Variants in SLC2A12 observed in about 807,000 individuals in gnomAD.
SLC2A12 encodes the protein solute carrier family 2, facilitated glucose transporter member 12.
In SLC2A12, 23 loss-of-function variants were observed where a neutral mutation model predicts 41.8. The ratio of observed to expected loss-of-function variants is 0.55; its 90% CI spans 0.40 to 0.78. SLC2A12 has a LOEUF of 0.78. SLC2A12 is among the 30% of genes least tolerant of loss of function. The probability of loss-of-function intolerance (pLI) is 0.00; values close to 1 mark genes in which losing one functional copy is unlikely to be tolerated. For synonymous variants in SLC2A12, 295 were observed against 285.9 expected, an observed-to-expected ratio of 1.03 and a Z score of -0.32; for missense variants, 654 against 745.6, an observed-to-expected ratio of 0.88 and a Z score of 1.43.
At chr6:134,011,791 C>T (rs1156380339) in intron 2 of SLC2A12, among the ~76,000 whole-genome samples, 1 of 151,362 alleles carries the variant, frequency 6.6e-6, no homozygotes, top group African/African-American at 2.4e-5. Context: ...CCTGTAATTC[C>T]AGCACTTTGG....
At position 133,990,539 on chromosome 6, in the gene SLC2A12, G is replaced by A. The variant is rs1486435539; in HGVS notation, c.*616C>T. ...AATATTAACATGAAATTCATAAAAGGATATTTTGCATTAAATTATAGTTTA... is the reference window on the plus strand; with the variant it reads ...AATATTAACATGAAATTCATAAAAGAATATTTTGCATTAAATTATAGTTTA... On this transcript the variant is annotated 3_prime_UTR_variant, in exon 5 of 5. Transcript: ENST00000275230. 1 of 152,294 alleles carries A rather than the reference G, an allele frequency of 6.6e-6. No individual in the cohort carries two copies. The highest frequency in any genetic ancestry group is 1.5e-5 in the Non-Finnish European group (1 of 68,004). The allele number at this position is 152,294 out of a possible 1,614,324, so 9.4% of individuals were successfully genotyped here.
chr6:134,045,366 A>G (rs1777443506), intron 1 of SLC2A12, among the ~76,000 whole-genome samples: 1 of 152,222 alleles, frequency 6.6e-6, no homozygotes, highest in Admixed American at 6.5e-5. Flanking sequence ...AGTAAGGTTC[A>G]GATCACTGTG....
At chr6:134,047,409 T>C (rs570012086) in intron 1 of SLC2A12, among the ~76,000 whole-genome samples, 2 of 152,258 alleles carry the variant, frequency 1.3e-5, no homozygotes, top group South Asian at 4.2e-4. Flanking sequence ...GAAACCGTGA[T>C]TCTAAAATGA....
intron 2 of SLC2A12, among the ~76,000 whole-genome samples, chr6:134,024,048 C>T (rs1341984598): frequency 2.0e-5 from 3 of 152,228 alleles, no homozygotes; most frequent in African/African-American, 7.2e-5. Flanking sequence ...TAGCCACCAC[C>T]GCAGCTCGTG....
chr6:134,038,777 C>A (rs959609780), intron 1 of SLC2A12, among the ~76,000 whole-genome samples: 2 of 142,916 alleles, frequency 1.4e-5, no homozygotes, highest in African/African-American at 5.4e-5. Flanking sequence ...ACAATCTCAG[C>A]TCACTGCAAC....
At chr6:134,048,449 T>C (rs1286433206) in intron 1 of SLC2A12, among the ~76,000 whole-genome samples, 1 of 151,866 alleles carries the variant, frequency 6.6e-6, no homozygotes, top group African/African-American at 2.4e-5. Context: ...ATACAAAAAT[T>C]AGCCAGCTGC....
chr6:134,040,141 A>G (rs1777363667), intron 1 of SLC2A12, among the ~76,000 whole-genome samples: 1 of 148,826 alleles, frequency 6.7e-6, no homozygotes, highest in African/African-American at 2.5e-5. Flanking sequence ...CAGTGGTGCG[A>G]TCTCAGCTCA....
chr6:134,008,790 C>A (rs768241830), intron 2 of SLC2A12, among the ~76,000 whole-genome samples: 17 of 152,176 alleles, frequency 1.1e-4, no homozygotes, highest in Non-Finnish European at 2.2e-4. Flanking sequence ...CCTCCCTATA[C>A]CCTTTCCTGG....
In SLC2A12 at chr6:134,029,081, C is replaced by G; in HGVS notation, c.744G>C (p.Glu248Asp). ...GGGAGGATTTGATCACAGTGAGTTC[C>G]TCAGTTGTATCTGAGAGTGCTCTTA... The part of the protein sequence containing the change: ...GRLRALSDTT[E>D]ELTVIKSSLK... The change falls in exon 2 of 5, where the codon GAG (glutamate) becomes GAC (aspartate). Residue 248 changes from glutamate (E) to aspartate (D), a missense_variant. Glu to Asp is a conservative substitution (Grantham distance 45). Around this residue, in one of 3 missense-constraint regions of SLC2A12, gnomAD observed 411 missense variants for 412.1 expected, o/e 1.00. Coordinates refer to ENST00000275230, the MANE Select transcript of SLC2A12 (RefSeq NM_145176.3). The G allele has an allele frequency of 6.2e-7, 1 of 1,614,218 alleles. No individual in the cohort carries two copies. The highest frequency in any genetic ancestry group is 8.5e-7 in the Non-Finnish European group (1 of 1,180,036).
At chr6:134,007,083 G>T in intron 2 of SLC2A12, 149 bp from the exon 3 acceptor site, 2 of 1,071,780 alleles carry the variant, frequency 1.9e-6, no homozygotes, top group Non-Finnish European at 1.3e-6. Flanking sequence ...GAACAGGACA[G>T]TAAAGGGACG....
intron 2 of SLC2A12, among the ~76,000 whole-genome samples, chr6:134,019,263 C>T (rs1233262360): frequency 6.6e-6 from 1 of 152,134 alleles, no homozygotes; most frequent in East Asian, 1.9e-4. Flanking sequence ...TTAAGGAGGG[C>T]TGGGTTTCTA....
chr6:133,993,941 A>T (rs1380036404), intron 4 of SLC2A12, among the ~76,000 whole-genome samples: 1 of 152,184 alleles, frequency 6.6e-6, no homozygotes, highest in Non-Finnish European at 1.5e-5. Flanking sequence ...CTGGAGAGCC[A>T]CTGGAGGATT....
intron 2 of SLC2A12, among the ~76,000 whole-genome samples, chr6:134,026,292 G>A (rs1777111428): frequency 6.6e-6 from 1 of 152,106 alleles, no homozygotes; most frequent in Non-Finnish European, 1.5e-5. Flanking sequence ...AGAAACCAAT[G>A]GAACAGTAAC....
intron 1 of SLC2A12, among the ~76,000 whole-genome samples, chr6:134,045,077 G>GCATGA (rs1476135656): frequency 6.6e-6 from 1 of 152,184 alleles, no homozygotes; most frequent in Admixed American, 6.5e-5. Flanking sequence ...AGAGAAAAAG[G>GCATGA]CATGATTCCT....
rs548925352 is a variant in SLC2A12, at chr6:134,024,592, T to C, written c.1444+3789A>G. On this transcript the variant is annotated intron_variant, in intron 2 of 4. Transcript: ENST00000275230. ...TGTCTACAGATTACCCAGGCCCTAC[T>C]ATACCCAATCTCCCTTTAGTTGACT... Among the ~76,000 whole-genome samples the C allele has an allele frequency of 4.6e-5, 7 of 152,358 alleles. No individual in the cohort carries two copies. The East Asian group carries it at 7.7e-4, about 17-fold the overall frequency.
chr6:134,028,537 C>A lies in SLC2A12; in HGVS notation c.1288G>T (p.Gly430Trp). ...AGCAAGGATGCTGAGGTCGTCTCCC[C>A]TCTCTTATCCACATCATTTCTCAGG... ...MPLRNDVDKR[G>W]ETTSASLLNA... is the part of the protein sequence containing the mutation. The change falls in exon 2 of 5, where the codon GGG becomes TGG. Residue 430 changes from glycine to tryptophan, a missense_variant. Gly to Trp is a radical substitution (Grantham distance 184, BLOSUM62 -2). Transcript: ENST00000275230. The A allele has an allele frequency of 6.2e-7, 1 of 1,614,166 alleles. No individual in the cohort carries two copies. Among genetic ancestry groups the A allele is most frequent in the East Asian group, 2.2e-5 (1 of 44,886 alleles).
intron 2 of SLC2A12, among the ~76,000 whole-genome samples, chr6:134,019,387 T>A (rs1400968562): frequency 6.6e-6 from 1 of 152,234 alleles, no homozygotes; most frequent in Non-Finnish European, 1.5e-5. Context: ...TTGTTCTGTG[T>A]CTTCACAATG....
Position 133,987,650 on chromosome 6 carries a change from A to G in SLC2A12, c.*3505T>C, listed in dbSNP as rs752313604. ...TGTGTGTGTGTGTGTGTGTGTGTGT[A>G]TATATATATATATATATGCACCACA... On this transcript the variant is annotated 3_prime_UTR_variant, in exon 5 of 5. Transcript: ENST00000275230. The G allele has an allele frequency of 0.028, 3,664 of 132,992 alleles. 89 individuals carry two copies. Among genetic ancestry groups the G allele is most frequent in the South Asian group, 0.054 (240 of 4,470 alleles). 8.2% of individuals were successfully genotyped at this position (132,992 alleles called of 1,614,324 possible). A position where few individuals can be genotyped will look rare whatever the true frequency, so the allele number is the denominator to read the frequency against.
intron 2 of SLC2A12, among the ~76,000 whole-genome samples, chr6:134,013,120 T>C (rs1776910098): frequency 6.6e-6 from 1 of 152,108 alleles, no homozygotes; most frequent in Non-Finnish European, 1.5e-5. Flanking sequence ...CCATCATACA[T>C]CTCTCAAAAA....
Sources: allele counts gnomAD v4.1 joint callset (sites outside exome capture counted in the v4.1 genomes callset), GRCh38; gene constraint gnomAD v4.1.1; regional missense constraint gnomAD v4.1.1; transcripts MANE v1.5; gene names NCBI Gene and HGNC (gene_info 2026-07-23, HGNC 2026-07-21).